The following CHCHD6 variants were observed in gnomAD, a reference collection of about 807,000 sequenced individuals.
CHCHD6 encodes the protein coiled-coil-helix-coiled-coil-helix domain containing 6.
In CHCHD6, 28 loss-of-function variants were observed where a neutral mutation model predicts 32.3. The ratio of observed to expected loss-of-function variants is 0.87; its 90% CI spans 0.64 to 1.19. The LOEUF is 1.19. CHCHD6 is among the 50% of genes most tolerant of loss of function. The pLI, the probability that CHCHD6 is intolerant of heterozygous loss-of-function variation, is 0.00. For missense variants in CHCHD6, 333 were observed against 307.0 expected (o/e 1.08, Z -0.63); for synonymous variants, 122 against 117.5 (o/e 1.04, Z -0.25).
intron 1 of CHCHD6, among the ~76,000 whole-genome samples, chr3:126,707,457 A>G (rs915543137): frequency 6.6e-6 from 1 of 152,190 alleles, no homozygotes. Flanking sequence ...TGTTTTAACC[A>G]GTACATTTAA....
chr3:126,713,164 A>T (rs930511047), intron 1 of CHCHD6, among the ~76,000 whole-genome samples: 5 of 151,948 alleles, frequency 3.3e-5, no homozygotes, highest in African/African-American at 1.2e-4. Context: ...CTACCAGGCT[A>T]TTTTTTTTAA....
Position 126,726,998 on chromosome 3 carries a change from G to A in CHCHD6, c.88-80G>A, listed in dbSNP as rs1041262813. On this transcript the variant is annotated intron_variant, in intron 1 of 7. Transcript: ENST00000290913. ...GAAGCAGCGCATTCAGTAAATCTGG[G>A]GCCTGAATAAAGAGGAGGCTTTGCT... The A allele has an allele frequency of 1.5e-5, 14 of 938,976 alleles. No individual in the cohort carries two copies. In the African/African-American group the frequency reaches 1.8e-4, roughly 12 times the overall value. The allele number at this position is 938,976 out of a possible 1,614,324, so 58.2% of individuals were successfully genotyped here.
chr3:126,875,666 C>T (rs193142288), intron 5 of CHCHD6, among the ~76,000 whole-genome samples: 121 of 152,286 alleles, frequency 7.9e-4, no homozygotes, highest in African/African-American at 2.7e-3. Flanking sequence ...TTTAGAGGTG[C>T]GTCAGTGTCC....
chr3:126,922,902 C>G lies in CHCHD6; in HGVS notation c.566+8152C>G, dbSNP rs370620716. ...AGCATATGGGAATGGAAAGTCAAAA[C>G]AAAAGACGCCGGGTGGCAGTTTTCT... is the stretch of plus-strand genomic sequence containing the variant. On this transcript the variant is annotated intron_variant, in intron 6 of 7. Coordinates refer to ENST00000290913, the MANE Select transcript of CHCHD6 (RefSeq NM_032343.3). Among the ~76,000 whole-genome samples the G allele has an allele frequency of 9.9e-5, 15 of 152,274 alleles. No individual in the cohort carries two copies. The East Asian group carries it at 2.1e-3, about 22-fold the overall frequency.
At chr3:126,772,346 C>T (rs1937559020) in intron 4 of CHCHD6, among the ~76,000 whole-genome samples, 1 of 152,166 alleles carries the variant, frequency 6.6e-6, no homozygotes. Flanking sequence ...CGTCCGCCTG[C>T]TTCAGCCTCC....
intron 4 of CHCHD6, among the ~76,000 whole-genome samples, chr3:126,767,780 T>G (rs183631171): frequency 6.6e-6 from 1 of 152,246 alleles, no homozygotes; most frequent in East Asian, 1.9e-4. Context: ...CCAGTGTCTG[T>G]TATTCCCCTC....
rs546564293 is a variant in CHCHD6, at chr3:126,889,322, G to A, written c.496-25358G>A. ...GATGACTGATGTGTCACTGAGAAGGGCTGCCCTGGAGGCTGCAGACCAGCG... is the reference window on the plus strand; with the variant it reads ...GATGACTGATGTGTCACTGAGAAGGACTGCCCTGGAGGCTGCAGACCAGCG... On this transcript the variant is annotated intron_variant, in intron 5 of 7. Coordinates refer to ENST00000290913, the MANE Select transcript of CHCHD6 (RefSeq NM_032343.3). 2.0e-5 allele frequency among the ~76,000 whole-genome samples: 3 copies of A among 152,288 alleles called. No individual in the cohort carries two copies. In the South Asian group the frequency reaches 6.2e-4, roughly 32 times the overall value.
chr3:126,738,481 C>T (rs1423401196), intron 4 of CHCHD6, among the ~76,000 whole-genome samples: 1 of 152,200 alleles, frequency 6.6e-6, no homozygotes, highest in East Asian at 1.9e-4. Flanking sequence ...TTCTAACAGT[C>T]CTCTCCTACA....
chr3:126,941,219 C>T (rs977454876), intron 6 of CHCHD6, among the ~76,000 whole-genome samples: 3 of 152,092 alleles, frequency 2.0e-5, no homozygotes, highest in Admixed American at 6.6e-5. Flanking sequence ...AAGATGTGAA[C>T]GAAGTAAAGA....
chr3:126,838,570 A>G (rs1047894572), intron 4 of CHCHD6, among the ~76,000 whole-genome samples: 4 of 152,150 alleles, frequency 2.6e-5, no homozygotes, highest in East Asian at 1.9e-4. Flanking sequence ...AATTGTGCCA[A>G]CCTCATGGAA....
chr3:126,880,997 G>A (rs2077601244), intron 5 of CHCHD6, among the ~76,000 whole-genome samples: 1 of 152,228 alleles, frequency 6.6e-6, no homozygotes, highest in South Asian at 2.1e-4. Flanking sequence ...AATAATCATA[G>A]ATGTCATAGG....
chr3:126,914,140 G>A (rs913180146), intron 5 of CHCHD6, among the ~76,000 whole-genome samples: 3 of 152,362 alleles, frequency 2.0e-5, no homozygotes, highest in Admixed American at 2.0e-4. Flanking sequence ...CAACTGAGTT[G>A]TAGTCCTTAC....
chr3:126,808,340 C>T (rs1939506781), intron 4 of CHCHD6, among the ~76,000 whole-genome samples: 2 of 152,062 alleles, frequency 1.3e-5, no homozygotes, highest in African/African-American at 2.4e-5. Context: ...TATTCTTTTG[C>T]CATATTCTGA....
At chr3:126,800,494 C>T (rs936694502) in intron 4 of CHCHD6, among the ~76,000 whole-genome samples, 3 of 152,114 alleles carry the variant, frequency 2.0e-5, no homozygotes, top group Non-Finnish European at 2.9e-5. Context: ...GGAGCAGGCC[C>T]CTCTGAAAGT....
intron 1 of CHCHD6, among the ~76,000 whole-genome samples, chr3:126,724,165 G>A (rs1332520616): frequency 6.6e-6 from 1 of 152,136 alleles, no homozygotes; most frequent in Non-Finnish European, 1.5e-5. Flanking sequence ...TAGCCCTCAA[G>A]GTATTTAAAA....
In CHCHD6 at chr3:126,704,923, C is replaced by T. The variant is rs561774831; in HGVS notation, c.87+524C>T. 2.6e-4 allele frequency among the ~76,000 whole-genome samples: 39 copies of T among 152,286 alleles called. 1 individual carries two copies. The highest frequency in any genetic ancestry group is 3.4e-3 in the Middle Eastern group (1 of 294). ...GGGTTCCTAGCGCGCTTGGATGATG[C>T]CTTCCCTGGTTCCAAAGCTGGCCGC... On this transcript the variant is annotated intron_variant, in intron 1 of 7. Transcript: ENST00000290913.
intron 5 of CHCHD6, among the ~76,000 whole-genome samples, chr3:126,866,538 A>G (rs1942294333): frequency 1.3e-5 from 2 of 152,248 alleles, no homozygotes; most frequent in Non-Finnish European, 2.9e-5. Context: ...GATTTGGGAC[A>G]GTAGGGAGCA....
chr3:126,785,275 C>G (rs868494249), intron 4 of CHCHD6, among the ~76,000 whole-genome samples: 1 of 152,322 alleles, frequency 6.6e-6, no homozygotes, highest in South Asian at 2.1e-4. Context: ...CCAAAACAAT[C>G]TCCAGATGTT....
intron 5 of CHCHD6, among the ~76,000 whole-genome samples, chr3:126,879,744 G>A (rs966155705): frequency 6.6e-6 from 1 of 152,198 alleles, no homozygotes; most frequent in Non-Finnish European, 1.5e-5. Context: ...AATATCCTGA[G>A]TGTGTGACAG....
Sources: allele counts gnomAD v4.1 joint callset (sites outside exome capture counted in the v4.1 genomes callset), GRCh38; gene constraint gnomAD v4.1.1; transcripts MANE v1.5; gene names NCBI Gene and HGNC (gene_info 2026-07-23, HGNC 2026-07-21).